The following EI24 variants were observed in gnomAD, a reference collection of about 807,000 sequenced individuals.
EI24 encodes the protein EI24 autophagy associated transmembrane protein, also known as etoposide-induced protein 2.4 homolog.
Under a neutral mutation model 48.6 loss-of-function variants are expected in EI24, and 21 were observed. The ratio of observed to expected loss-of-function variants is 0.43; its 90% CI spans 0.31 to 0.62. The LOEUF (loss-of-function observed/expected upper bound fraction) is 0.62, where lower values mean the gene tolerates loss of function less well. Ranked by LOEUF, EI24 falls within the 20% of genes least tolerant of loss-of-function variation. EI24 has a pLI of 0.10. For synonymous variants in EI24, 114 were observed against 145.5 expected, an observed-to-expected ratio of 0.78 and a Z score of 1.56; for missense variants, 280 against 410.5, an observed-to-expected ratio of 0.68 and a Z score of 2.75.
intron 10 of EI24, among the ~76,000 whole-genome samples, chr11:125,582,956 A>G (rs1939073688): frequency 6.6e-6 from 1 of 152,242 alleles, no homozygotes; most frequent in South Asian, 2.1e-4. Context: ...ACCTTCAGAC[A>G]TAGCTTGAAG....
chr11:125,577,747 G>C (rs1938808741), intron 5 of EI24, 177 bp downstream of exon 5: 1 of 589,054 alleles, frequency 1.7e-6, no homozygotes, highest in African/African-American at 1.9e-5. Context: ...GGCCCTTTAA[G>C]AATGGGTACT....
At chr11:125,572,649 G>C in intron 2 of EI24, 80 bp downstream of exon 2, 1 of 1,373,634 alleles carries the variant, frequency 7.3e-7, no homozygotes. Context: ...AAATCCTTTA[G>C]GGTTTTTGGA....
chr11:125,580,983 G>C (rs1439395793), intron 8 of EI24: 1 of 157,936 alleles, frequency 6.3e-6, no homozygotes, highest in Non-Finnish European at 1.4e-5. Context: ...AGGCTGAGGT[G>C]GGAGAATCGC....
chr11:125,571,556 G>A (rs1044567624), intron 1 of EI24, among the ~76,000 whole-genome samples: 1 of 152,110 alleles, frequency 6.6e-6, no homozygotes, highest in Non-Finnish European at 1.5e-5. Flanking sequence ...TATTAAAATT[G>A]TATCTGTATA....
intron 2 of EI24, among the ~76,000 whole-genome samples, chr11:125,573,883 T>C (rs1450537221): frequency 1.3e-5 from 2 of 151,854 alleles, no homozygotes; most frequent in Non-Finnish European, 1.5e-5. Context: ...AGTTTCACCA[T>C]GTTGGCCAGG....
chr11:125,572,892 G>A (rs1380766143), intron 2 of EI24, among the ~76,000 whole-genome samples: 1 of 148,956 alleles, frequency 6.7e-6, no homozygotes, highest in East Asian at 2.0e-4. Flanking sequence ...AAAGTTATAA[G>A]GTAGTACAGA....
chr11:125,572,967 A>G (rs909610926), intron 2 of EI24, among the ~76,000 whole-genome samples: 2 of 152,090 alleles, frequency 1.3e-5, no homozygotes, highest in African/African-American at 2.4e-5. Context: ...ATATTTGTCA[A>G]CTAAGAAATG....
intron 7 of EI24, among the ~76,000 whole-genome samples, 153 bp downstream of exon 7, chr11:125,579,221 C>T (rs551533800): frequency 4.6e-5 from 7 of 151,900 alleles, no homozygotes; most frequent in African/African-American, 7.2e-5. Context: ...TTTTTCCCCA[C>T]GGAAATGAGA....
At chr11:125,569,947 A>C (rs1938473068) in intron 1 of EI24, 2 of 160,676 alleles carry the variant, frequency 1.2e-5, no homozygotes, top group Non-Finnish European at 2.7e-5. Context: ...CCCCGTGGGA[A>C]GTGAGGATGT....
At chr11:125,580,002 A>G (rs1591359705) in intron 7 of EI24, 91 bp from the exon 8 acceptor site, 5 of 1,013,270 alleles carry the variant, frequency 4.9e-6, no homozygotes, top group Admixed American at 1.7e-5. Flanking sequence ...GCAGCTAGGA[A>G]GCTATCTCAG....
intron 1 of EI24, among the ~76,000 whole-genome samples, chr11:125,571,854 C>G (rs2135847050): frequency 6.6e-6 from 1 of 152,152 alleles, no homozygotes; most frequent in East Asian, 1.9e-4. Flanking sequence ...CCAGCCTGGG[C>G]AACAAGAGCG....
At position 125,583,645 on chromosome 11, in the gene EI24, C is replaced by T; in HGVS notation, c.985C>T (p.Pro329Ser). ...TSAEKFPSPH[P>S]SPAKLKATAG... ...TGCAGAGAAGTTCCCTTCACCGCAT[C>T]CGTCGCCTGCCAAACTGAAGGCTAC... Residue 329 changes from proline to serine, a missense_variant, in exon 11 of 11, where the codon CCG becomes TCG. By Grantham distance (74) the Pro-to-Ser change is moderately conservative. This residue lies in a region of EI24 where 62 missense variants were observed against 65.1 expected (regional missense o/e 0.95). Coordinates refer to ENST00000278903, the MANE Select transcript of EI24 (RefSeq NM_004879.5). 1 of 1,613,426 alleles carries T rather than the reference C, an allele frequency of 6.2e-7. No homozygotes were observed. Among genetic ancestry groups the T allele is most frequent in the Non-Finnish European group, 8.5e-7 (1 of 1,179,712 alleles).
intron 3 of EI24, 118 bp from the exon 4 acceptor site, chr11:125,576,137 C>A: frequency 1.0e-6 from 1 of 967,258 alleles, no homozygotes; most frequent in Non-Finnish European, 1.6e-6. Context: ...ATTGGGAGAA[C>A]ATGAGGCACT....
At chr11:125,578,845 CCTTTT>C in intron 6 of EI24, 99 bp from the exon 7 acceptor site, 1 of 1,337,872 alleles carries the variant, frequency 7.5e-7, no homozygotes. Flanking sequence ...TTTAAATAAG[CCTTTT>C]CTTAACTGGC....
rs537078819 is a variant in EI24, at chr11:125,578,807, A to G, written c.442-142A>G. On this transcript the variant is annotated intron_variant, in intron 6 of 10. Transcript: ENST00000278903. ...TAGCCTCCTGAGTAGCTGGGACTAT[A>G]GGCACATGCCATCGTGCCCAGCTTA... 19 of 982,694 alleles carry G rather than the reference A, an allele frequency of 1.9e-5. No individual in the cohort carries two copies. The East Asian group carries it at 5.1e-4, about 27-fold the overall frequency. 60.9% of individuals were successfully genotyped at this position (982,694 alleles called of 1,614,324 possible).
chr11:125,573,378 A>T (rs987710068), intron 2 of EI24: 4 of 171,818 alleles, frequency 2.3e-5, no homozygotes, highest in African/African-American at 4.7e-5. Context: ...ACCCCCTCTT[A>T]TATTTCCACT....
At chr11:125,579,646 G>C (rs1344108325) in intron 7 of EI24, among the ~76,000 whole-genome samples, 1 of 152,064 alleles carries the variant, frequency 6.6e-6, no homozygotes, top group Admixed American at 6.6e-5. Context: ...CAGCCTGGGC[G>C]ACAAGAGCAA....
chr11:125,572,359 T>G (rs558788915), intron 1 of EI24, 99 bp from the exon 2 acceptor site: 1 of 644,850 alleles, frequency 1.6e-6, no homozygotes. Context: ...GCTATCTTAC[T>G]AGAGCTACAA....
Position 125,583,711 on chromosome 11 carries a change from G to A in EI24, c.*28G>A, listed in dbSNP as rs775228617. ...TGCCTGCCATCCAAAGGGGATGGGC[G>A]GGATTGGAAGAAGCTGTGGCAGCTC... On this transcript the variant is annotated 3_prime_UTR_variant, in exon 11 of 11. Transcript: ENST00000278903. The A allele has an allele frequency of 3.7e-6, 6 of 1,602,374 alleles. No homozygotes were observed. Among genetic ancestry groups the A allele is most frequent in the East Asian group, 2.3e-5 (1 of 44,352 alleles).
Sources: allele counts gnomAD v4.1 joint callset (sites outside exome capture counted in the v4.1 genomes callset), GRCh38; gene constraint gnomAD v4.1.1; regional missense constraint gnomAD v4.1.1; transcripts MANE v1.5; gene names NCBI Gene and HGNC (gene_info 2026-07-23, HGNC 2026-07-21).